The following NCOA7 variants were observed in gnomAD, a reference collection of about 807,000 sequenced individuals.
NCOA7 encodes 140 kDa estrogen receptor-associated protein.
Under a neutral mutation model 104.3 loss-of-function variants are expected in NCOA7, and 45 were observed. The ratio of observed to expected loss-of-function variants is 0.43; its 90% CI spans 0.34 to 0.55. The LOEUF is 0.55. NCOA7 is among the 20% of genes least tolerant of loss of function. The pLI is 0.02. For synonymous variants in NCOA7, 398 were observed against 402.3 expected, an observed-to-expected ratio of 0.99 and a Z score of 0.13; for missense variants, 1,041 against 1,119.7, an observed-to-expected ratio of 0.93 and a Z score of 1.00.
In NCOA7 at chr6:125,892,228, G is replaced by A. The variant is rs562790820; in HGVS notation, c.2096+1418G>A. On this transcript the variant is annotated intron_variant, in intron 10 of 15. Coordinates refer to ENST00000392477, the MANE Select transcript of NCOA7 (RefSeq NM_181782.5). ...ATTCTTTATAATATAAGACAATTGTGTTTTTTTCAATTGTGTTATCTTTGC... is the reference window on the plus strand; with the variant it reads ...ATTCTTTATAATATAAGACAATTGTATTTTTTTCAATTGTGTTATCTTTGC... Among the ~76,000 whole-genome samples, 5 of 152,034 alleles carry A rather than the reference G, an allele frequency of 3.3e-5. No homozygotes were observed. In the South Asian group the frequency reaches 8.3e-4, roughly 25 times the overall value.
chr6:125,917,111 ATAAC>A (rs1400044784), intron 11 of NCOA7, among the ~76,000 whole-genome samples: 8 of 151,338 alleles, frequency 5.3e-5, no homozygotes, highest in Non-Finnish European at 7.3e-5. Flanking sequence ...ACCTGTTAGA[ATAAC>A]TACCTGGGAA....
chr6:125,877,958 T>C (rs1042313648), intron 4 of NCOA7, among the ~76,000 whole-genome samples: 1 of 152,198 alleles, frequency 6.6e-6, no homozygotes, highest in Non-Finnish European at 1.5e-5. Context: ...TCTTTTCTTG[T>C]TGTAGTCTTC....
At chr6:125,916,960 A>G (rs761399147) in intron 11 of NCOA7, among the ~76,000 whole-genome samples, 4 of 152,054 alleles carry the variant, frequency 2.6e-5, no homozygotes, top group African/African-American at 9.7e-5. Flanking sequence ...ATGATTTCCA[A>G]TGTTTCCTTC....
chr6:125,810,973 T>G (rs1386554669), intron 1 of NCOA7, among the ~76,000 whole-genome samples: 2 of 152,262 alleles, frequency 1.3e-5, no homozygotes, highest in Non-Finnish European at 2.9e-5. Flanking sequence ...ATTTTTCTAC[T>G]TGAACCAAAT....
intron 1 of NCOA7, chr6:125,796,889 A>T (rs1192563687): frequency 6.6e-6 from 1 of 152,234 alleles, no homozygotes; most frequent in Non-Finnish European, 1.5e-5. Context: ...TCCTGACCTC[A>T]AGTGATGCAC....
intron 2 of NCOA7, chr6:125,818,933 C>T (rs747160122): frequency 6.6e-6 from 1 of 152,260 alleles, no homozygotes; most frequent in Non-Finnish European, 1.5e-5. Context: ...CAAACTGATG[C>T]AATCTCAGTT....
chr6:125,838,095 A>T (rs928494833), intron 2 of NCOA7, among the ~76,000 whole-genome samples: 3 of 152,176 alleles, frequency 2.0e-5, no homozygotes, highest in African/African-American at 7.2e-5. Context: ...GAACTCATAA[A>T]AGGCAGATTA....
chr6:125,891,679 G>A (rs1176535359), intron 10 of NCOA7, among the ~76,000 whole-genome samples: 1 of 152,138 alleles, frequency 6.6e-6, no homozygotes, highest in Non-Finnish European at 1.5e-5. Flanking sequence ...CTAAGCAAGA[G>A]TGCACCTTCT....
At chr6:125,898,664 T>G (rs1333915293) in intron 10 of NCOA7, among the ~76,000 whole-genome samples, 2 of 152,202 alleles carry the variant, frequency 1.3e-5, no homozygotes, top group African/African-American at 4.8e-5. Flanking sequence ...CAAAAATATC[T>G]TAAGCCTTCA....
chr6:125,921,439 G>A (rs1787577460), intron 12 of NCOA7, among the ~76,000 whole-genome samples: 1 of 151,912 alleles, frequency 6.6e-6, no homozygotes, highest in South Asian at 2.1e-4. Context: ...ATCCCTGAAT[G>A]CATTTGCCCT....
Position 125,910,817 on chromosome 6 carries a change from A to G in NCOA7, c.2097-4516A>G, listed in dbSNP as rs528579167. 3.3e-5 allele frequency among the ~76,000 whole-genome samples: 5 copies of G among 152,378 alleles called. No homozygotes were observed. In the South Asian group the frequency reaches 6.2e-4, roughly 19 times the overall value. ...CTTGAAAACAACCCAGAGAATGGCT[A>G]TGTAACTATAATAAATCCAGTTAGT... On this transcript the variant is annotated intron_variant, in intron 10 of 15. Coordinates refer to ENST00000392477, the MANE Select transcript of NCOA7 (RefSeq NM_181782.5).
intron 2 of NCOA7, among the ~76,000 whole-genome samples, chr6:125,852,388 G>C (rs1246420733): frequency 1.3e-5 from 2 of 152,106 alleles, no homozygotes; most frequent in East Asian, 3.9e-4. Flanking sequence ...TAGAGATGGG[G>C]TTTCACCATG....
chr6:125,810,180 A>T (rs2128563627), intron 1 of NCOA7: 1 of 152,186 alleles, frequency 6.6e-6, no homozygotes, highest in South Asian at 2.1e-4. Flanking sequence ...TGGGACAGGG[A>T]GGTCATTGAG....
chr6:125,924,928 A>G (rs1287925367), intron 13 of NCOA7, among the ~76,000 whole-genome samples: 1 of 152,158 alleles, frequency 6.6e-6, no homozygotes, highest in African/African-American at 2.4e-5. Flanking sequence ...TTCTGAGGCT[A>G]AAATCCAAGC....
chr6:125,886,652 T>A (rs1028149143), intron 8 of NCOA7, among the ~76,000 whole-genome samples: 2 of 152,204 alleles, frequency 1.3e-5, no homozygotes, highest in South Asian at 4.1e-4. Context: ...ATATAAAGGA[T>A]TTTTAGTCTA....
chr6:125,822,052 C>T (rs1466267126), intron 2 of NCOA7, among the ~76,000 whole-genome samples: 1 of 152,176 alleles, frequency 6.6e-6, no homozygotes, highest in Non-Finnish European at 1.5e-5. Flanking sequence ...AATGATTATA[C>T]CACGTGGGTG....
intron 3 of NCOA7, among the ~76,000 whole-genome samples, chr6:125,855,958 C>T (rs1781516527): frequency 6.6e-6 from 1 of 152,102 alleles, no homozygotes; most frequent in Non-Finnish European, 1.5e-5. Context: ...GAAATGAGTC[C>T]ATAGTGTTAT....
chr6:125,928,955 C>T lies in NCOA7; in HGVS notation c.*184C>T. ...CTGGAAGGTCCATGTAGAGGGCAGA[C>T]ATTGAAGAAAGAAACTTAAAATCCA... On this transcript the variant is annotated 3_prime_UTR_variant, in exon 16 of 16. Coordinates refer to ENST00000392477, the MANE Select transcript of NCOA7 (RefSeq NM_181782.5). The T allele has an allele frequency of 1.9e-6, 1 of 535,650 alleles. No homozygotes were observed. The highest frequency in any genetic ancestry group is 3.0e-6 in the Non-Finnish European group (1 of 331,662). The allele number at this position is 535,650 out of a possible 1,614,324, so 33.2% of individuals were successfully genotyped here. A position where few individuals can be genotyped will look rare whatever the true frequency, so the allele number is the denominator to read the frequency against.
intron 10 of NCOA7, among the ~76,000 whole-genome samples, chr6:125,913,285 C>CA (rs1786757310): frequency 1.3e-5 from 2 of 151,888 alleles, no homozygotes; most frequent in South Asian, 4.2e-4. Flanking sequence ...ATTGCAGTAT[C>CA]AAGCCTGAAG....
Sources: gnomAD v4.1 joint callset for allele counts (sites outside exome capture counted in the v4.1 genomes callset) on GRCh38, gnomAD v4.1.1 for gene constraint, MANE v1.5 for transcripts, NCBI Gene and HGNC (gene_info 2026-07-23, HGNC 2026-07-21) for gene names.